Variants in SHISA9 observed in about 807,000 individuals in gnomAD.
SHISA9 encodes shisa family member 9.
Under a neutral mutation model 38.0 loss-of-function variants are expected in SHISA9, and 13 were observed. The ratio of observed to expected loss-of-function variants is 0.34; its 90% confidence interval spans 0.22 to 0.54. SHISA9 has a LOEUF of 0.54. Ranked by LOEUF, SHISA9 falls within the 20% of genes least tolerant of loss-of-function variation. SHISA9 has a pLI of 0.91. For missense variants in SHISA9, 538 were observed against 575.8 expected (o/e 0.93, Z 0.67); for synonymous variants, 275 against 242.0 (o/e 1.14, Z -1.27).
the SHISA9 span, among the ~76,000 whole-genome samples, chr16:13,472,475 T>C: frequency 7.8e-6 from 1 of 128,098 alleles, no homozygotes; most frequent in Admixed American, 9.8e-5. Context: ...CACTCCAAGC[T>C]CCGCCTCCCA....
the SHISA9 span, among the ~76,000 whole-genome samples, chr16:13,380,811 T>C: frequency 0.65 from 95,503 of 147,740 alleles, 31,193 homozygotes; most frequent in Non-Finnish European, 0.68. Context: ...CCTAATGTTA[T>C]CCCTCCCCTA....
At chr16:13,550,722 G>C in the SHISA9 span, among the ~76,000 whole-genome samples, 1 of 152,210 alleles carries the variant, frequency 6.6e-6, no homozygotes. Flanking sequence ...CACTGCGAAT[G>C]GAGGAGGAAC....
At chr16:13,095,802 A>G (rs566814681) in intron 2 of SHISA9, among the ~76,000 whole-genome samples, 1 of 152,366 alleles carries the variant, frequency 6.6e-6, no homozygotes, top group South Asian at 2.1e-4. Flanking sequence ...CAGCAAGGCA[A>G]TCAACTCTAG....
chr16:13,272,589 T>C, the SHISA9 span, among the ~76,000 whole-genome samples: 1 of 152,136 alleles, frequency 6.6e-6, no homozygotes, highest in African/African-American at 2.4e-5. Flanking sequence ...TATCAGAGTT[T>C]GGGCCAATCT....
Position 13,071,449 on chromosome 16 carries a change from G to A in SHISA9, c.692-131945G>A, listed in dbSNP as rs577056696. On this transcript the variant is annotated intron_variant, in intron 2 of 4. Coordinates refer to ENST00000558583, the MANE Select transcript of SHISA9 (RefSeq NM_001145204.3). The stretch of plus-strand genomic sequence containing the variant: ...AAGTAGCTGAGGCTCAGAACATTGA[G>A]AAATTTCTAGAGGTTATACATGGGT... Among the ~76,000 whole-genome samples the A allele has an allele frequency of 1.6e-4, 24 of 152,140 alleles. No homozygotes were observed. In the South Asian group the frequency reaches 4.2e-3, roughly 26 times the overall value.
chr16:13,183,908 T>C (rs1009084022), intron 2 of SHISA9, among the ~76,000 whole-genome samples: 1 of 152,220 alleles, frequency 6.6e-6, no homozygotes, highest in Non-Finnish European at 1.5e-5. Context: ...TGGTTCCTTG[T>C]TGACTCTGCT....
At chr16:13,184,927 AT>A (rs1253710451) in intron 2 of SHISA9, among the ~76,000 whole-genome samples, 2 of 152,276 alleles carry the variant, frequency 1.3e-5, no homozygotes, top group South Asian at 4.1e-4. Flanking sequence ...TGTAAATAAA[AT>A]TTTTTATTTC....
chr16:13,277,485 T>C, the SHISA9 span, among the ~76,000 whole-genome samples: 1 of 152,054 alleles, frequency 6.6e-6, no homozygotes, highest in African/African-American at 2.4e-5. Flanking sequence ...GAGGATTGCA[T>C]TGAATTTGTA....
At chr16:13,019,937 TTCTTTCTTTC>T (rs2072824639) in intron 2 of SHISA9, among the ~76,000 whole-genome samples, 5 of 89,028 alleles carry the variant, frequency 5.6e-5, no homozygotes, top group Non-Finnish European at 1.3e-4. Context: ...CTTTCTTTCT[TTCTTTCTTTC>T]TTTCTTTCTT....
At chr16:12,937,283 G>T (rs1334131854) in intron 2 of SHISA9, among the ~76,000 whole-genome samples, 1 of 152,156 alleles carries the variant, frequency 6.6e-6, no homozygotes, top group African/African-American at 2.4e-5. Flanking sequence ...TGGTAGAAAA[G>T]AAAGTAAAGC....
chr16:13,497,006 T>TAATACTTCAG, the SHISA9 span, among the ~76,000 whole-genome samples: 1 of 152,216 alleles, frequency 6.6e-6, no homozygotes, highest in Non-Finnish European at 1.5e-5. Context: ...CTTCAAAGCT[T>TAATACTTCAG]AATACAATTA....
the SHISA9 span, among the ~76,000 whole-genome samples, chr16:13,366,271 C>T: frequency 6.6e-6 from 1 of 152,208 alleles, no homozygotes; most frequent in Non-Finnish European, 1.5e-5. Context: ...CTTTGGTCTA[C>T]TCATTTTCTT....
At chr16:13,436,975 G>A in the SHISA9 span, among the ~76,000 whole-genome samples, 1 of 152,112 alleles carries the variant, frequency 6.6e-6, no homozygotes, top group African/African-American at 2.4e-5. Context: ...GCATGTGCAG[G>A]GGAACTGCCC....
chr16:13,010,629 TAC>T lies in SHISA9; in HGVS notation c.691+93817_691+93818del, dbSNP rs1389316442. The stretch of plus-strand genomic sequence containing the variant: ...AGTACTACTGGGATCAGAATTCCTC[TAC>T]ACTGAGTATCTGGCTTTTGAAAAAT... On this transcript the variant is annotated intron_variant, in intron 2 of 4. Coordinates refer to ENST00000558583, the MANE Select transcript of SHISA9 (RefSeq NM_001145204.3). 3.9e-5 allele frequency among the ~76,000 whole-genome samples: 6 copies of T among 152,340 alleles called. No individual in the cohort carries two copies. The East Asian group carries it at 1.2e-3, about 29-fold the overall frequency.
the SHISA9 span, among the ~76,000 whole-genome samples, chr16:13,547,999 T>C: frequency 6.6e-6 from 1 of 152,296 alleles, no homozygotes; most frequent in East Asian, 1.9e-4. Context: ...AATAGCATGA[T>C]ACTGGTATAA....
At chr16:13,386,654 A>G in the SHISA9 span, among the ~76,000 whole-genome samples, 1 of 152,098 alleles carries the variant, frequency 6.6e-6, no homozygotes, top group African/African-American at 2.4e-5. Context: ...ATTTTCTTTG[A>G]TGTGGATTGT....
the SHISA9 span, among the ~76,000 whole-genome samples, chr16:13,421,811 C>T: frequency 6.6e-6 from 1 of 152,204 alleles, no homozygotes; most frequent in Non-Finnish European, 1.5e-5. Flanking sequence ...CATGAAATCT[C>T]ATAAAACCTC....
At position 12,901,650 on chromosome 16, in the gene SHISA9, T is replaced by G. The variant is rs1378220577; in HGVS notation, c.-415T>G. On this transcript the variant is annotated 5_prime_UTR_variant, in exon 1 of 5. Coordinates refer to ENST00000558583, the MANE Select transcript of SHISA9 (RefSeq NM_001145204.3). ...CAGCGCACTTGGCGAGCTGGTGAGG[T>G]GAGAGGGATACTGCGAGAGGGCTAG... is the stretch of plus-strand genomic sequence containing the variant. The G allele has an allele frequency of 4.1e-5, 6 of 145,912 alleles. No individual in the cohort carries two copies. The highest frequency in any genetic ancestry group is 9.0e-5 in the Non-Finnish European group (6 of 66,564). The allele number at this position is 145,912 out of a possible 1,614,324, so 9.0% of individuals were successfully genotyped here. A position where few individuals can be genotyped will look rare whatever the true frequency, so the allele number is the denominator to read the frequency against.
chr16:13,295,462 G>A, the SHISA9 span, among the ~76,000 whole-genome samples: 37 of 152,272 alleles, frequency 2.4e-4, no homozygotes, highest in Non-Finnish European at 4.7e-4. Flanking sequence ...ATGAAACTCT[G>A]GCCAGTTCTC....
Sources: allele counts gnomAD v4.1 joint callset (sites outside exome capture counted in the v4.1 genomes callset), GRCh38; gene constraint gnomAD v4.1.1; transcripts MANE v1.5; gene names NCBI Gene and HGNC (gene_info 2026-07-23, HGNC 2026-07-21).